The following ABCA1 variants were observed in gnomAD, a reference collection of about 807,000 sequenced individuals.
The protein encoded by ABCA1 is phospholipid-transporting ATPase ABCA1.
ABCA1 carries 133 observed loss-of-function variants against 262.5 expected under a neutral mutation model. That is an observed-to-expected ratio of 0.51 (90% CI 0.44 to 0.59). ABCA1 has a LOEUF of 0.59. Ranked by LOEUF, ABCA1 falls within the 20% of genes least tolerant of loss-of-function variation. ABCA1 has a pLI of 0.00. For synonymous variants in ABCA1, 1,022 were observed against 1,043.5 expected (o/e 0.98, Z 0.40); for missense variants, 2,452 against 2,777.5 (o/e 0.88, Z 2.63).
intron 7 of ABCA1, among the ~76,000 whole-genome samples, chr9:104,845,815 T>C: frequency 6.6e-6 from 1 of 152,212 alleles, no homozygotes; most frequent in Non-Finnish European, 1.5e-5. Context: ...AACTAGTTAA[T>C]ATGCAATAGA....
In ABCA1 at chr9:104,786,984, T is replaced by G; in HGVS notation, c.6205-8A>C. On this transcript the variant is annotated splice_region_variant and splice_polypyrimidine_tract_variant and intron_variant, in intron 46 of 49. Coordinates refer to ENST00000374736, the MANE Select transcript of ABCA1 (RefSeq NM_005502.4). ...GCCTGTGGTGGGTTCATCCTGTAAT[T>G]AGAATAAAATAAGTCTTATTTGCTG... The G allele has an allele frequency of 6.2e-7, 1 of 1,607,858 alleles. No individual in the cohort carries two copies. Among genetic ancestry groups the G allele is most frequent in the Non-Finnish European group, 8.5e-7 (1 of 1,176,578 alleles).
At chr9:104,854,847 T>C (rs1424155345) in intron 7 of ABCA1, among the ~76,000 whole-genome samples, 1 of 152,238 alleles carries the variant, frequency 6.6e-6, no homozygotes, top group Non-Finnish European at 1.5e-5. Context: ...CACCCACCTT[T>C]GTTCTCATCA....
Position 104,884,544 on chromosome 9 carries a change from G to A in ABCA1, c.185C>T (p.Pro62Leu), listed in dbSNP as rs907671851. 1.2e-6 allele frequency: 2 copies of A among 1,614,030 alleles called. No individual in the cohort carries two copies. ...AACCCAAGGAAGTGTTCCTGCAGAG[G>A]GCATGGCTTTATTTGGAAAATGGCC... Reference protein sequence around the residue: ...HECHFPNKAMPSAGTLPWVQG... With the variant: ...HECHFPNKAMLSAGTLPWVQG... The change falls in exon 4 of 50, where the codon CCC (proline) becomes CTC (leucine). Residue 62 changes from proline (P) to leucine (L), a missense_variant. By Grantham distance (98) the Pro-to-Leu change is moderately conservative (BLOSUM62 -3). Coordinates refer to ENST00000374736, the MANE Select transcript of ABCA1 (RefSeq NM_005502.4).
At chr9:104,798,217 C>T (rs1204185510) in intron 37 of ABCA1, among the ~76,000 whole-genome samples, 1 of 152,168 alleles carries the variant, frequency 6.6e-6, no homozygotes, top group African/African-American at 2.4e-5. Flanking sequence ...ACAGAATTTT[C>T]CCTCTGGTGT....
chr9:104,842,923 C>G (rs145359296), intron 8 of ABCA1, among the ~76,000 whole-genome samples: 3 of 152,198 alleles, frequency 2.0e-5, no homozygotes, highest in Admixed American at 6.5e-5. Context: ...TCTCCTCCCC[C>G]CACCACTTGC....
At chr9:104,805,571 C>T (rs1270038491) in intron 31 of ABCA1, among the ~76,000 whole-genome samples, 1 of 152,072 alleles carries the variant, frequency 6.6e-6, no homozygotes, top group Non-Finnish European at 1.5e-5. Flanking sequence ...CTAAGAATAC[C>T]AGAGTTGACA....
intron 5 of ABCA1, among the ~76,000 whole-genome samples, chr9:104,872,920 C>T (rs886754378): frequency 6.6e-5 from 10 of 152,234 alleles, no homozygotes; most frequent in Admixed American, 6.5e-4. Context: ...GTTTTCTATT[C>T]TTGTCTGAGT....
Position 104,842,063 on chromosome 9 carries a change from C to T in ABCA1, c.814-1544G>A, listed in dbSNP as rs558195393. On this transcript the variant is annotated intron_variant, in intron 8 of 49. Transcript: ENST00000374736. ...AAAGCTCCATATGCCTAGCTTTCAA[C>T]CTCACAGCCTGCTGGTTCCTGTGAG... is the stretch of plus-strand genomic sequence containing the variant. Among the ~76,000 whole-genome samples the T allele has an allele frequency of 2.0e-5, 3 of 152,350 alleles. No homozygotes were observed. In the East Asian group the frequency reaches 5.8e-4, roughly 29 times the overall value.
chr9:104,789,889 C>G (rs150725758), intron 44 of ABCA1, among the ~76,000 whole-genome samples: 4,721 of 152,044 alleles, frequency 0.031, 270 homozygotes, highest in African/African-American at 0.11. Flanking sequence ...AGGTCAGGAG[C>G]TCGAGACCAG....
At chr9:104,786,048 T>C (rs910294404) in intron 48 of ABCA1, among the ~76,000 whole-genome samples, 14 of 152,162 alleles carry the variant, frequency 9.2e-5, no homozygotes, top group Non-Finnish European at 1.8e-4. Flanking sequence ...AGCACAAAGC[T>C]AGGAGGTAGA....
In ABCA1 at chr9:104,798,094, A is replaced by T. The variant is rs529464674; in HGVS notation, c.5121+327T>A. 4.6e-5 allele frequency among the ~76,000 whole-genome samples: 7 copies of T among 152,354 alleles called. No individual in the cohort carries two copies. In the East Asian group the frequency reaches 1.4e-3, roughly 29 times the overall value. On this transcript the variant is annotated intron_variant, in intron 37 of 49. Coordinates refer to ENST00000374736, the MANE Select transcript of ABCA1 (RefSeq NM_005502.4). ...ATTCTGACTCTGGAGGTTAAAACCC[A>T]TCAGAGAAGTTAGAGGCATTGACTT...
At chr9:104,850,039 T>C (rs937515720) in intron 7 of ABCA1, among the ~76,000 whole-genome samples, 3 of 152,250 alleles carry the variant, frequency 2.0e-5, no homozygotes, top group Non-Finnish European at 4.4e-5. Context: ...TGGCATCAGC[T>C]GTACCTGTAA....
chr9:104,794,928 A>G (rs1350690460), intron 39 of ABCA1, among the ~76,000 whole-genome samples: 1 of 152,212 alleles, frequency 6.6e-6, no homozygotes, highest in African/African-American at 2.4e-5. Flanking sequence ...TGATCCCACA[A>G]GGCAACAGTG....
At chr9:104,917,732 C>T (rs1841929922) in intron 1 of ABCA1, among the ~76,000 whole-genome samples, 1 of 151,686 alleles carries the variant, frequency 6.6e-6, no homozygotes, top group Non-Finnish European at 1.5e-5. Context: ...CCAGCCTGGG[C>T]AACAGAGCAA....
intron 2 of ABCA1, among the ~76,000 whole-genome samples, chr9:104,898,581 TA>T (rs1840409488): frequency 2.0e-5 from 3 of 149,828 alleles, no homozygotes; most frequent in African/African-American, 7.4e-5. Context: ...AATAAATAAA[TA>T]AATAAATAAA....
At chr9:104,872,666 C>T (rs1486165166) in intron 5 of ABCA1, among the ~76,000 whole-genome samples, 2 of 152,150 alleles carry the variant, frequency 1.3e-5, no homozygotes, top group African/African-American at 4.8e-5. Flanking sequence ...TGAATAGTGT[C>T]GCACTGAGAT....
At chr9:104,892,942 C>T (rs760123569) in intron 2 of ABCA1, among the ~76,000 whole-genome samples, 2 of 152,184 alleles carry the variant, frequency 1.3e-5, no homozygotes, top group Non-Finnish European at 2.9e-5. Flanking sequence ...AACAATATAT[C>T]ATGCCATCAT....
At chr9:104,883,912 G>A (rs1038979617) in intron 4 of ABCA1, among the ~76,000 whole-genome samples, 3 of 152,226 alleles carry the variant, frequency 2.0e-5, no homozygotes, top group African/African-American at 7.2e-5. Flanking sequence ...AAGGGAAGGG[G>A]CAGCATCCTG....
At chr9:104,903,053 C>T (rs1020941052) in intron 2 of ABCA1, among the ~76,000 whole-genome samples, 6 of 152,172 alleles carry the variant, frequency 3.9e-5, no homozygotes, top group East Asian at 1.9e-4. Flanking sequence ...CATTCACCTG[C>T]GCATTAAAGA....
Sources: allele counts gnomAD v4.1 joint callset (sites outside exome capture counted in the v4.1 genomes callset), GRCh38; gene constraint gnomAD v4.1.1; transcripts MANE v1.5; gene names NCBI Gene and HGNC (gene_info 2026-07-23, HGNC 2026-07-21).